The following TRAPPC9 variants were observed in gnomAD, a reference collection of about 807,000 sequenced individuals.
TRAPPC9 encodes IKK2 binding protein.
A neutral mutation model predicts 124.0 loss-of-function variants in TRAPPC9; 83 were observed. That is an observed-to-expected ratio of 0.67 (90% confidence interval 0.56 to 0.80). TRAPPC9 has a LOEUF of 0.80. Ranked by LOEUF, TRAPPC9 falls within the 30% of genes least tolerant of loss-of-function variation. The pLI, the probability that TRAPPC9 is intolerant of heterozygous loss-of-function variation, is 0.00. For missense variants in TRAPPC9, 1,302 were observed against 1,508.3 expected (o/e 0.86, Z 2.27); for synonymous variants, 638 against 617.5 (o/e 1.03, Z -0.49).
chr8:139,731,782 C>A (rs1817839915), intron 22 of TRAPPC9, among the ~76,000 whole-genome samples, 197 bp downstream of exon 22: 1 of 152,174 alleles, frequency 6.6e-6, no homozygotes, highest in African/African-American at 2.4e-5. Flanking sequence ...CTGTCCAGGA[C>A]TGAGAGACAG....
chr8:139,954,535 G>A (rs1834858271), intron 19 of TRAPPC9, among the ~76,000 whole-genome samples: 2 of 152,302 alleles, frequency 1.3e-5, no homozygotes, highest in African/African-American at 4.8e-5. Flanking sequence ...CACCCACCCA[G>A]TCTGTGGTAC....
intron 21 of TRAPPC9, among the ~76,000 whole-genome samples, chr8:139,812,432 T>C (rs1248167145): frequency 2.6e-5 from 4 of 152,290 alleles, no homozygotes; most frequent in Non-Finnish European, 5.9e-5. Flanking sequence ...ACCAGCGTAC[T>C]CTATTTGGCA....
intron 19 of TRAPPC9, among the ~76,000 whole-genome samples, chr8:139,918,088 C>T (rs765996414): frequency 2.6e-5 from 4 of 152,210 alleles, no homozygotes; most frequent in Non-Finnish European, 4.4e-5. Context: ...GACAGAGCCT[C>T]GCACTCCTTC....
At chr8:140,040,044 G>A (rs1249086389) in intron 17 of TRAPPC9, 3 of 152,176 alleles carry the variant, frequency 2.0e-5, no homozygotes, top group African/African-American at 4.8e-5. Context: ...TACTGACTAT[G>A]TGGAGGAGTC....
intron 9 of TRAPPC9, among the ~76,000 whole-genome samples, chr8:140,320,498 C>T (rs372250867): frequency 6.6e-6 from 1 of 152,190 alleles, no homozygotes; most frequent in Non-Finnish European, 1.5e-5. Context: ...CCACGCCAAA[C>T]GTCCAGCACA....
chr8:139,913,626 C>G (rs925345095), intron 19 of TRAPPC9, among the ~76,000 whole-genome samples: 7 of 152,230 alleles, frequency 4.6e-5, no homozygotes, highest in Non-Finnish European at 1.0e-4. Context: ...CCAACTGCTT[C>G]CCACATTTAC....
intron 21 of TRAPPC9, among the ~76,000 whole-genome samples, chr8:139,764,003 G>A (rs895016630): frequency 2.6e-5 from 4 of 152,200 alleles, no homozygotes; most frequent in African/African-American, 7.2e-5. Flanking sequence ...TTAGATACAC[G>A]GTAGGTCTGC....
At chr8:140,076,621 A>G (rs908310207) in intron 17 of TRAPPC9, among the ~76,000 whole-genome samples, 2 of 151,962 alleles carry the variant, frequency 1.3e-5, no homozygotes. Context: ...AGATGACAAC[A>G]CCCGATTCCT....
intron 17 of TRAPPC9, among the ~76,000 whole-genome samples, chr8:140,092,256 G>T (rs554044260): frequency 6.7e-6 from 1 of 149,126 alleles, no homozygotes; most frequent in African/African-American, 2.5e-5. Flanking sequence ...AGACTACAAG[G>T]GCGCAATCTC....
At chr8:140,357,330 C>T (rs1020923973) in intron 9 of TRAPPC9, among the ~76,000 whole-genome samples, 1 of 152,082 alleles carries the variant, frequency 6.6e-6, no homozygotes, top group African/African-American at 2.4e-5. Flanking sequence ...GCAGCAGACA[C>T]AGCAGGCGAA....
At chr8:140,037,586 T>TAC (rs369070239) in intron 17 of TRAPPC9, among the ~76,000 whole-genome samples, 57 of 141,574 alleles carry the variant, frequency 4.0e-4, no homozygotes, top group Admixed American at 1.1e-3. Flanking sequence ...CACACACACA[T>TAC]ACACACACAC....
At chr8:140,155,010 C>T (rs115175675) in intron 17 of TRAPPC9, among the ~76,000 whole-genome samples, 345 of 152,324 alleles carry the variant, frequency 2.3e-3, no homozygotes, top group African/African-American at 7.5e-3. Flanking sequence ...TCTTCTCCTA[C>T]TGGACTGTGA....
At chr8:140,134,133 G>T (rs894164160) in intron 17 of TRAPPC9, among the ~76,000 whole-genome samples, 2 of 152,262 alleles carry the variant, frequency 1.3e-5, no homozygotes, top group Middle Eastern at 3.4e-3. Flanking sequence ...CACATGTCCT[G>T]ATTTCAAAAG....
intron 5 of TRAPPC9, among the ~76,000 whole-genome samples, chr8:140,406,072 A>C (rs1296192528): frequency 6.6e-6 from 1 of 152,194 alleles, no homozygotes; most frequent in East Asian, 1.9e-4. Context: ...CGCATCCTCA[A>C]AGGAGGTCAA....
intron 1 of TRAPPC9, among the ~76,000 whole-genome samples, chr8:140,454,741 C>A (rs1255278631): frequency 1.3e-5 from 2 of 151,148 alleles, no homozygotes; most frequent in Non-Finnish European, 2.9e-5. Context: ...GAGTTCGAGA[C>A]CAGCCTGGCC....
chr8:140,076,954 A>G (rs532222564), intron 17 of TRAPPC9, among the ~76,000 whole-genome samples: 1 of 152,208 alleles, frequency 6.6e-6, no homozygotes, highest in East Asian at 1.9e-4. Flanking sequence ...TGGCTTAAGC[A>G]CAGGAGTTTA....
At chr8:140,171,726 A>G (rs1026503772) in intron 17 of TRAPPC9, among the ~76,000 whole-genome samples, 1 of 152,176 alleles carries the variant, frequency 6.6e-6, no homozygotes, top group Non-Finnish European at 1.5e-5. Context: ...CGTAGGAGGA[A>G]AAAATTGGGA....
chr8:140,311,394 A>G lies in TRAPPC9; in HGVS notation c.1496-20T>C, dbSNP rs771739326. ...TCTTTTCTGAAGAGAAGATGAAAAC[A>G]AAATAAAGATGTATTAGGCAAAAGT... On this transcript the variant is annotated intron_variant, in intron 9 of 22. Coordinates refer to ENST00000438773, the MANE Select transcript of TRAPPC9 (RefSeq NM_001160372.4). The G allele has an allele frequency of 2.2e-5, 36 of 1,612,356 alleles. No homozygotes were observed. Among genetic ancestry groups the G allele is most frequent in the Non-Finnish European group, 2.9e-5 (34 of 1,179,800 alleles).
intron 14 of TRAPPC9, among the ~76,000 whole-genome samples, chr8:140,280,461 C>G (rs1247647412): frequency 6.6e-6 from 1 of 152,162 alleles, no homozygotes; most frequent in African/African-American, 2.4e-5. Context: ...AAGTCTCGCT[C>G]TTTGTCCCCC....
Sources: allele counts gnomAD v4.1 joint callset (sites outside exome capture counted in the v4.1 genomes callset), GRCh38; gene constraint gnomAD v4.1.1; transcripts MANE v1.5; gene names NCBI Gene and HGNC (gene_info 2026-07-23, HGNC 2026-07-21).